Variants in MACROD2 observed in about 807,000 individuals in gnomAD.
MACROD2 encodes the protein mono-ADP ribosylhydrolase 2, also known as ADP-ribose glycohydrolase MACROD2.
A neutral mutation model predicts 70.4 loss-of-function variants in MACROD2; 36 were observed. The observed-to-expected ratio is 0.51, with a 90% CI of 0.39 to 0.68. MACROD2 has a LOEUF of 0.68. Ranked by LOEUF, MACROD2 falls within the 30% of genes least tolerant of loss-of-function variation. MACROD2 has a pLI of 0.00. For missense variants in MACROD2, 496 were observed against 538.4 expected (o/e 0.92, Z 0.78); for synonymous variants, 172 against 178.8 (o/e 0.96, Z 0.30).
chr20:14,130,335 G>A (rs1028982316), intron 3 of MACROD2, among the ~76,000 whole-genome samples: 2 of 152,122 alleles, frequency 1.3e-5, no homozygotes, highest in Non-Finnish European at 2.9e-5. Flanking sequence ...ATCACCTGAG[G>A]TCAGGAGTTC....
intron 3 of MACROD2, among the ~76,000 whole-genome samples, chr20:14,265,832 A>C (rs2082140206): frequency 7.0e-6 from 1 of 143,150 alleles, no homozygotes; most frequent in Admixed American, 7.3e-5. Context: ...GCTGGAGTGC[A>C]GTGGCGTGAT....
chr20:15,191,715 CAG>C (rs774462469), intron 5 of MACROD2, among the ~76,000 whole-genome samples: 21 of 152,058 alleles, frequency 1.4e-4, no homozygotes, highest in Non-Finnish European at 2.5e-4. Context: ...GCTATGAAAA[CAG>C]AGAAAGAAAA....
chr20:14,145,197 T>C (rs2054929466), intron 3 of MACROD2, among the ~76,000 whole-genome samples: 1 of 152,152 alleles, frequency 6.6e-6, no homozygotes, highest in African/African-American at 2.4e-5. Flanking sequence ...AAGACAAAGG[T>C]GAATAGATTT....
At chr20:15,973,838 C>T (rs1161842120) in intron 13 of MACROD2, among the ~76,000 whole-genome samples, 1 of 152,152 alleles carries the variant, frequency 6.6e-6, no homozygotes, top group Admixed American at 6.5e-5. Context: ...TCTCCAGTGA[C>T]AAAGAGTTGG....
At chr20:15,206,892 G>A (rs1465020882) in intron 5 of MACROD2, among the ~76,000 whole-genome samples, 5 of 149,620 alleles carry the variant, frequency 3.3e-5, no homozygotes, top group Non-Finnish European at 4.5e-5. Context: ...GCCCGCCACC[G>A]CGCCCGGCTA....
At chr20:15,774,713 G>A (rs1419760550) in intron 8 of MACROD2, among the ~76,000 whole-genome samples, 1 of 152,054 alleles carries the variant, frequency 6.6e-6, no homozygotes, top group Non-Finnish European at 1.5e-5. Flanking sequence ...CACTATGAAA[G>A]ATCTGCTAGG....
At chr20:15,810,133 C>T (rs948917182) in intron 8 of MACROD2, among the ~76,000 whole-genome samples, 4 of 150,488 alleles carry the variant, frequency 2.7e-5, no homozygotes, top group Admixed American at 1.3e-4. Flanking sequence ...TTTGTCCTTG[C>T]GATAGTTTGC....
chr20:15,604,761 G>A (rs967780863), intron 8 of MACROD2, among the ~76,000 whole-genome samples: 8 of 152,224 alleles, frequency 5.3e-5, no homozygotes, highest in African/African-American at 1.9e-4. Flanking sequence ...TTATGACACA[G>A]CAAAGTCTGT....
intron 5 of MACROD2, among the ~76,000 whole-genome samples, chr20:14,872,825 T>G (rs1487762556): frequency 6.6e-6 from 1 of 152,076 alleles, no homozygotes; most frequent in Non-Finnish European, 1.5e-5. Context: ...CACAGTTCAG[T>G]ATGGCTGGGG....
At chr20:15,475,983 C>T (rs1029403927) in intron 7 of MACROD2, among the ~76,000 whole-genome samples, 19 of 152,116 alleles carry the variant, frequency 1.2e-4, no homozygotes, top group Admixed American at 3.9e-4. Context: ...GAACCATAGG[C>T]GAACAAAGAA....
At chr20:14,880,142 T>G (rs1403129364) in intron 5 of MACROD2, among the ~76,000 whole-genome samples, 1 of 152,140 alleles carries the variant, frequency 6.6e-6, no homozygotes, top group Non-Finnish European at 1.5e-5. Context: ...CAATTCATTT[T>G]CAGTGTCATG....
At chr20:15,447,119 GTTC>G (rs2046578723) in intron 7 of MACROD2, among the ~76,000 whole-genome samples, 1 of 151,206 alleles carries the variant, frequency 6.6e-6, no homozygotes, top group South Asian at 2.1e-4. Flanking sequence ...TCCCAGTGCA[GTTC>G]TTCTCCCTAC....
chr20:15,440,221 T>G (rs1357782452), intron 7 of MACROD2, among the ~76,000 whole-genome samples: 3 of 152,150 alleles, frequency 2.0e-5, no homozygotes, highest in Non-Finnish European at 4.4e-5. Flanking sequence ...AAAGAAAAAC[T>G]TTGAAGTTTG....
intron 3 of MACROD2, among the ~76,000 whole-genome samples, chr20:14,354,486 TCCTAG>T (rs1309491784): frequency 1.3e-5 from 2 of 152,230 alleles, no homozygotes; most frequent in Non-Finnish European, 2.9e-5. Flanking sequence ...GCTTGCTATA[TCCTAG>T]CAGTTTTTAA....
intron 10 of MACROD2, among the ~76,000 whole-genome samples, chr20:15,917,488 A>G (rs2065336809): frequency 6.6e-6 from 1 of 152,216 alleles, no homozygotes; most frequent in Non-Finnish European, 1.5e-5. Context: ...CTGCTGGCTA[A>G]ATGCTGGCAC....
chr20:14,510,309 A>C (rs1458520043), intron 4 of MACROD2, among the ~76,000 whole-genome samples: 2 of 147,802 alleles, frequency 1.4e-5, no homozygotes, highest in Non-Finnish European at 3.0e-5. Flanking sequence ...TTTTCAGAAT[A>C]TGTTGTGTAA....
At position 14,094,823 on chromosome 20, in the gene MACROD2, C is replaced by T. The variant is rs938619975; in HGVS notation, c.271+9095C>T. ...GGCAAACTTAGTGTGTCAAACAAGA[C>T]TTGCTTCAATATCCCTGCCTTGCCA... On this transcript the variant is annotated intron_variant, in intron 3 of 17. Transcript: ENST00000684519. Among the ~76,000 whole-genome samples, 4 of 152,278 alleles carry T rather than the reference C, an allele frequency of 2.6e-5. No homozygotes were observed. The South Asian group carries it at 8.3e-4, about 32-fold the overall frequency.
chr20:14,572,007 G>A (rs1288760480), intron 4 of MACROD2, among the ~76,000 whole-genome samples: 1 of 152,036 alleles, frequency 6.6e-6, no homozygotes, highest in Non-Finnish European at 1.5e-5. Context: ...GTTCGGTTTG[G>A]AAGTGTTTGC....
intron 5 of MACROD2, among the ~76,000 whole-genome samples, chr20:14,727,035 A>G (rs1449974489): frequency 1.3e-5 from 2 of 152,072 alleles, no homozygotes; most frequent in Non-Finnish European, 2.9e-5. Flanking sequence ...ATGGTGACTA[A>G]TTTTTTATAC....
Sources: allele counts gnomAD v4.1 joint callset (sites outside exome capture counted in the v4.1 genomes callset), GRCh38; gene constraint gnomAD v4.1.1; transcripts MANE v1.5; gene names NCBI Gene and HGNC (gene_info 2026-07-23, HGNC 2026-07-21).